The following OTOGL variants were observed in gnomAD, a reference collection of about 807,000 sequenced individuals.
The protein encoded by OTOGL is otogelin like.
A neutral mutation model predicts 318.5 loss-of-function variants in OTOGL; 285 were observed. The ratio of observed to expected loss-of-function variants is 0.89; its 90% confidence interval spans 0.81 to 0.99. The LOEUF is 0.99. OTOGL is among the 50% of genes least tolerant of loss of function. OTOGL has a pLI of 0.00. For synonymous variants in OTOGL, 987 were observed against 936.5 expected (o/e 1.05, Z -0.99); for missense variants, 2,899 against 2,845.6 (o/e 1.02, Z -0.43).
intron 11 of OTOGL, among the ~76,000 whole-genome samples, chr12:80,241,082 G>A (rs1306957246): frequency 6.6e-6 from 1 of 151,958 alleles, no homozygotes; most frequent in African/African-American, 2.4e-5. Flanking sequence ...CTTAAATGAC[G>A]TCTTGAGTAG....
intron 1 of OTOGL, among the ~76,000 whole-genome samples, chr12:80,196,456 A>G (rs1018615602): frequency 6.6e-6 from 1 of 152,160 alleles, no homozygotes; most frequent in African/African-American, 2.4e-5. Context: ...AGTTGACCTT[A>G]TGACTGTCAT....
In OTOGL at chr12:80,336,560, G is replaced by T; in HGVS notation, c.4743+5G>T. ...GAAAAATGTTCCATGAATCAGGTGG[G>T]TCATAATTTATTTTTGCAGTCATTT... is the stretch of plus-strand genomic sequence containing the variant. On this transcript the variant is annotated splice_donor_5th_base_variant and intron_variant, in intron 40 of 58. Coordinates refer to ENST00000547103, the MANE Select transcript of OTOGL (RefSeq NM_001378609.3). The T allele has an allele frequency of 1.2e-6, 2 of 1,601,656 alleles. No individual in the cohort carries two copies. The highest frequency in any genetic ancestry group is 1.7e-6 in the Non-Finnish European group (2 of 1,173,158).
intron 26 of OTOGL, among the ~76,000 whole-genome samples, chr12:80,293,505 G>T (rs1304519833): frequency 6.6e-6 from 1 of 152,152 alleles, no homozygotes. Context: ...CAGAGTCATG[G>T]ATGACCTGAT....
chr12:80,149,764 CT>C (rs1159891509), intron 1 of OTOGL, among the ~76,000 whole-genome samples: 1 of 152,238 alleles, frequency 6.6e-6, no homozygotes, highest in Non-Finnish European at 1.5e-5. Context: ...GGGATATAAT[CT>C]TGTGGTGCAC....
chr12:80,364,440 T>A (rs574587758), intron 52 of OTOGL, among the ~76,000 whole-genome samples: 4 of 152,264 alleles, frequency 2.6e-5, no homozygotes, highest in East Asian at 3.9e-4. Context: ...ATACAATACA[T>A]CCATTTAAAG....
intron 24 of OTOGL, among the ~76,000 whole-genome samples, chr12:80,276,871 A>T (rs988768762): frequency 4.6e-5 from 7 of 151,620 alleles, no homozygotes; most frequent in African/African-American, 1.7e-4. Flanking sequence ...CAGCATATAC[A>T]CTGAATAAGG....
chr12:80,289,378 G>C (rs975869736), intron 26 of OTOGL, among the ~76,000 whole-genome samples: 9 of 152,144 alleles, frequency 5.9e-5, no homozygotes, highest in Non-Finnish European at 1.2e-4. Flanking sequence ...AGGGGTCAGG[G>C]ACCCACTTGA....
chr12:80,182,213 A>G (rs1430823241), intron 1 of OTOGL, among the ~76,000 whole-genome samples: 1 of 152,148 alleles, frequency 6.6e-6, no homozygotes, highest in Non-Finnish European at 1.5e-5. Flanking sequence ...AATGAGCTCC[A>G]ATCACATATT....
At chr12:80,256,295 C>T in intron 16 of OTOGL, 42 bp from the exon 17 acceptor site, 1 of 1,572,532 alleles carries the variant, frequency 6.4e-7, no homozygotes, top group Non-Finnish European at 8.6e-7. Flanking sequence ...ATGGCTCTCT[C>T]TCTCTCCCAT....
rs767145394 is a variant in OTOGL, at chr12:80,222,288, T to C, written c.489+43T>C. The C allele has an allele frequency of 4.8e-6, 7 of 1,470,736 alleles. No homozygotes were observed. In the Middle Eastern group the frequency reaches 5.3e-4, roughly 111 times the overall value. The allele number at this position is 1,470,736 out of a possible 1,614,324, so 91.1% of individuals were successfully genotyped here. On this transcript the variant is annotated intron_variant, in intron 7 of 58. Transcript: ENST00000547103. ...ATGATTAACTTAAAAATATTATCTC[T>C]GGAAAAGTATGTATTTTTAAAGTAC...
chr12:80,318,632 T>C lies in OTOGL; in HGVS notation c.3721T>C (p.Cys1241Arg). The change falls in exon 33 of 59, where the codon TGT becomes CGT. Residue 1241 changes from cysteine (C) to arginine (R), a missense_variant. Transcript: ENST00000547103. ...GANMTSRSVF[C>R]LPRSSVHTSL... ...CAATATGACCAGCAGAAGCGTTTTCTGTTTGCCGAGAAGCAGTGTTCATAC... is the reference window on the plus strand; with the variant it reads ...CAATATGACCAGCAGAAGCGTTTTCCGTTTGCCGAGAAGCAGTGTTCATAC... 1 of 1,476,192 alleles carries C rather than the reference T, an allele frequency of 6.8e-7. No individual in the cohort carries two copies. Among genetic ancestry groups the C allele is most frequent in the Non-Finnish European group, 9.0e-7 (1 of 1,112,360 alleles). The allele number at this position is 1,476,192 out of a possible 1,614,324, so 91.4% of individuals were successfully genotyped here.
At chr12:80,243,016 A>G (rs1489289896) in intron 11 of OTOGL, among the ~76,000 whole-genome samples, 2 of 150,438 alleles carry the variant, frequency 1.3e-5, no homozygotes, top group African/African-American at 5.0e-5. Flanking sequence ...AATTGATGTG[A>G]AAACCAAGAT....
At chr12:80,216,782 A>C (rs562973145) in intron 4 of OTOGL, among the ~76,000 whole-genome samples, 1 of 152,252 alleles carries the variant, frequency 6.6e-6, no homozygotes, top group South Asian at 2.1e-4. Context: ...TTTGATTCAA[A>C]ATTCATGCTG....
intron 43 of OTOGL, among the ~76,000 whole-genome samples, chr12:80,340,919 C>T (rs995756757): frequency 2.8e-5 from 4 of 140,950 alleles, no homozygotes; most frequent in African/African-American, 1.0e-4. Context: ...AGCTCCTTTA[C>T]AATGTAGTCC....
chr12:80,234,687 T>A, intron 9 of OTOGL, among the ~76,000 whole-genome samples: 1 of 152,174 alleles, frequency 6.6e-6, no homozygotes, highest in Non-Finnish European at 1.5e-5. Flanking sequence ...ATAATGGGGC[T>A]GAAATAAAAA....
chr12:80,356,336 G>A, intron 47 of OTOGL, 80 bp from the exon 48 acceptor site: 1 of 1,062,842 alleles, frequency 9.4e-7, no homozygotes, highest in East Asian at 2.5e-5. Flanking sequence ...CCTGTCTTGA[G>A]TTGGCAGTCA....
At chr12:80,202,626 G>A (rs1876540960) in intron 1 of OTOGL, among the ~76,000 whole-genome samples, 1 of 151,874 alleles carries the variant, frequency 6.6e-6, no homozygotes, top group Non-Finnish European at 1.5e-5. Flanking sequence ...TTATTTTTTT[G>A]CATGTATGCA....
chr12:80,269,982 A>G, intron 22 of OTOGL, 120 bp from the exon 23 acceptor site: 1 of 839,892 alleles, frequency 1.2e-6, no homozygotes, highest in Non-Finnish European at 1.8e-6. Context: ...TCTGTGGGAA[A>G]AATAACATTT....
At chr12:80,110,305 G>C (rs1303078036) in intron 1 of OTOGL, among the ~76,000 whole-genome samples, 7 of 152,110 alleles carry the variant, frequency 4.6e-5, no homozygotes, top group Non-Finnish European at 7.4e-5. Context: ...CTGACCTCAG[G>C]CTCCGCCTGC....
Sources: allele counts gnomAD v4.1 joint callset (sites outside exome capture counted in the v4.1 genomes callset), GRCh38; gene constraint gnomAD v4.1.1; transcripts MANE v1.5; gene names NCBI Gene and HGNC (gene_info 2026-07-23, HGNC 2026-07-21).